The following SAMD14 variants were observed in gnomAD, a reference collection of about 807,000 sequenced individuals.
The protein encoded by SAMD14 is sterile alpha motif domain-containing protein 14.
In SAMD14, 27 loss-of-function variants were observed where a neutral mutation model predicts 46.2. The ratio of observed to expected loss-of-function variants is 0.58; its 90% CI spans 0.43 to 0.81. SAMD14 has a LOEUF of 0.81. Among genes scored for constraint, SAMD14 ranks in the 30% least tolerant of loss-of-function variants. SAMD14 has a pLI of 0.00. For missense variants in SAMD14, 559 were observed against 582.2 expected, an observed-to-expected ratio of 0.96 and a Z score of 0.41; for synonymous variants, 241 against 254.3, an observed-to-expected ratio of 0.95 and a Z score of 0.50.
chr17:50,112,893 C>G lies in SAMD14; in HGVS notation c.1254G>C (p.Ter418TyrextTer67). ...GGTGCCAGCGCCTGTGCACCCTCCCCTAGCTCTTCTTGGCCTCCTGCTCTC... is the reference window on the plus strand; with the variant it reads ...GGTGCCAGCGCCTGTGCACCCTCCCGTAGCTCTTCTTGGCCTCCTGCTCTC... ...RRREQEAKKS[*>Y] Residue 418 changes from the stop codon to tyrosine (Y), a stop_lost, in exon 10 of 10, where the codon TAG becomes TAC. Transcript: ENST00000330175. The G allele has an allele frequency of 6.2e-7, 1 of 1,603,918 alleles. No individual in the cohort carries two copies. The highest frequency in any genetic ancestry group is 8.5e-7 in the Non-Finnish European group (1 of 1,179,570).
chr17:50,115,452 G>A lies in SAMD14; in HGVS notation c.822+112C>T. 1 of 1,180,492 alleles carries A rather than the reference G, an allele frequency of 8.5e-7. No homozygotes were observed. The highest frequency in any genetic ancestry group is 1.2e-6 in the Non-Finnish European group (1 of 846,704). 73.1% of individuals were successfully genotyped at this position (1,180,492 alleles called of 1,614,324 possible). The stretch of plus-strand genomic sequence containing the variant: ...CGGATCACTGCATGGCTCCATGGAT[G>A]GACAAATTGATTCCAGGAATGTCTG... On this transcript the variant is annotated intron_variant, in intron 7 of 9. Transcript: ENST00000330175. This position sits in a 1 kb window ranked among gnomAD's most constrained non-coding sequence, Gnocchi z 5.3.
At chr17:50,116,124 T>C in intron 4 of SAMD14, 34 bp from the exon 5 acceptor site, 1 of 1,592,014 alleles carries the variant, frequency 6.3e-7, no homozygotes, top group Non-Finnish European at 8.6e-7. Flanking sequence ...AACTGCCTGT[T>C]TGCTGCCCTG....
At chr17:50,120,597 TAA>T (rs1279536174) in intron 2 of SAMD14, among the ~76,000 whole-genome samples, 1 of 152,202 alleles carries the variant, frequency 6.6e-6, no homozygotes, top group Non-Finnish European at 1.5e-5. Flanking sequence ...TTATGCAGAT[TAA>T]GAGTCAAAGT....
chr17:50,110,332 G>A lies in SAMD14; in HGVS notation c.*2561C>T, dbSNP rs1910766156. On this transcript the variant is annotated 3_prime_UTR_variant, in exon 10 of 10. Transcript: ENST00000330175. Reference sequence around the variant, plus strand: ...CTCTGTGGGCGATGCCTGAGGGTTAGGGATGTCTCCACCCTGATGGGGTGT... The same window carrying A: ...CTCTGTGGGCGATGCCTGAGGGTTAAGGATGTCTCCACCCTGATGGGGTGT... 2.4e-6 allele frequency: 1 copy of A among 419,996 alleles called. No homozygotes were observed. Among genetic ancestry groups the A allele is most frequent in the East Asian group, 3.7e-5 (1 of 27,210 alleles). 26.0% of individuals were successfully genotyped at this position (419,996 alleles called of 1,614,324 possible).
rs2239953 is a variant in SAMD14 at position 50,111,660 on chromosome 17, G to C, written c.*1233C>G. ...GGAGGAGCTGGAGGGGTTTCCAAGC[G>C]GGAGCCCCCAGGCCTCATCGGTAAC... is the stretch of plus-strand genomic sequence containing the variant. On this transcript the variant is annotated 3_prime_UTR_variant, in exon 10 of 10. Transcript: ENST00000330175. 1.3e-5 allele frequency: 2 copies of C among 152,238 alleles called. No homozygotes were observed. The highest frequency in any genetic ancestry group is 3.9e-4 in the East Asian group (2 of 5,166). The allele number at this position is 152,238 out of a possible 1,614,324, so 9.4% of individuals were successfully genotyped here.
rs1910813133 is a variant in SAMD14, at chr17:50,111,121, C to G, written c.*1772G>C. On this transcript the variant is annotated 3_prime_UTR_variant, in exon 10 of 10. Coordinates refer to ENST00000330175, the MANE Select transcript of SAMD14 (RefSeq NM_001257359.2). Reference sequence around the variant, plus strand: ...CGTGCGCACGTACACACGCACACTGCGGTGCCCTGTGACCACCACATGACG... The same window carrying G: ...CGTGCGCACGTACACACGCACACTGGGGTGCCCTGTGACCACCACATGACG... 2 of 152,342 alleles carry G rather than the reference C, an allele frequency of 1.3e-5. No homozygotes were observed. Among genetic ancestry groups the G allele is most frequent in the East Asian group, 3.8e-4 (2 of 5,202 alleles). The allele number at this position is 152,342 out of a possible 1,614,324, so 9.4% of individuals were successfully genotyped here.
chr17:50,117,961 GTAAAATGGGGCTA>G, intron 3 of SAMD14, 187 bp downstream of exon 3: 1 of 689,068 alleles, frequency 1.5e-6, no homozygotes, highest in Non-Finnish European at 2.3e-6. Context: ...TTCCTCAGCT[GTAAAATGGGGCTA>G]ATAATATCTT....
At chr17:50,126,393 C>T (rs1395478072) in intron 1 of SAMD14, among the ~76,000 whole-genome samples, 1 of 151,774 alleles carries the variant, frequency 6.6e-6, no homozygotes, top group Non-Finnish European at 1.5e-5. Flanking sequence ...CAAGCTCTGC[C>T]TCCCGGGTCC....
chr17:50,117,972 CTAA>C, intron 3 of SAMD14, 186 bp downstream of exon 3: 1 of 703,892 alleles, frequency 1.4e-6, no homozygotes, highest in South Asian at 2.3e-5. Flanking sequence ...TAAAATGGGG[CTAA>C]TAATATCTTC....
Position 50,110,375 on chromosome 17 carries a change from A to T in SAMD14, c.*2518T>A, listed in dbSNP as rs996942171. On this transcript the variant is annotated 3_prime_UTR_variant, in exon 10 of 10. Coordinates refer to ENST00000330175, the MANE Select transcript of SAMD14 (RefSeq NM_001257359.2). Reference sequence around the variant, plus strand: ...TGGGGTGTCCCAGAGACATTTTCCCATGGCAGTCCTCCTCTCTGAGACCAG... The same window carrying T: ...TGGGGTGTCCCAGAGACATTTTCCCTTGGCAGTCCTCCTCTCTGAGACCAG... 1 of 298,810 alleles carries T rather than the reference A, an allele frequency of 3.3e-6. No individual in the cohort carries two copies. The highest frequency in any genetic ancestry group is 2.1e-5 in the African/African-American group (1 of 46,672). 18.5% of individuals were successfully genotyped at this position (298,810 alleles called of 1,614,324 possible).
chr17:50,124,765 GCGCGCGCACACA>G, intron 2 of SAMD14, 140 bp downstream of exon 2: 2 of 634,208 alleles, frequency 3.2e-6, no homozygotes, highest in Non-Finnish European at 5.5e-6. Flanking sequence ...GCGTGCACGC[GCGCGCGCACACA>G]CACACACACA....
At chr17:50,122,212 C>T (rs998828893) in intron 2 of SAMD14, among the ~76,000 whole-genome samples, 4 of 152,194 alleles carry the variant, frequency 2.6e-5, no homozygotes, top group Non-Finnish European at 1.5e-5. Flanking sequence ...ACGATACGGT[C>T]GGGATATGGT....
In SAMD14 at chr17:50,110,178, G is replaced by A. The variant is rs934361514; in HGVS notation, c.*2715C>T. On this transcript the variant is annotated 3_prime_UTR_variant, in exon 10 of 10. Coordinates refer to ENST00000330175, the MANE Select transcript of SAMD14 (RefSeq NM_001257359.2). ...CCGTGGTGCCCCTCACCATCCTCCT[G>A]GGGGAGCAGGGGGTGGGTTCTCCCT... The A allele has an allele frequency of 1.8e-5, 26 of 1,419,100 alleles. No homozygotes were observed. The highest frequency in any genetic ancestry group is 2.5e-4 in the Middle Eastern group (1 of 3,962). 87.9% of individuals were successfully genotyped at this position (1,419,100 alleles called of 1,614,324 possible). A position where few individuals can be genotyped will look rare whatever the true frequency, so the allele number is the denominator to read the frequency against.
intron 2 of SAMD14, among the ~76,000 whole-genome samples, chr17:50,120,336 G>A (rs1213007677): frequency 6.6e-6 from 1 of 152,008 alleles, no homozygotes; most frequent in African/African-American, 2.4e-5. Context: ...GAGAGGAGAG[G>A]AAAGAAAAAG....
At chr17:50,114,108 G>A (rs754702290) in intron 8 of SAMD14, 29 bp from the exon 9 acceptor site, 10 of 1,613,682 alleles carry the variant, frequency 6.2e-6, no homozygotes, top group Non-Finnish European at 8.5e-6. Context: ...GAGTGAGGGG[G>A]AGGCTTGGCC....
chr17:50,124,787 A>AGTG (rs1911688575), intron 2 of SAMD14, 130 bp downstream of exon 2: 1 of 791,518 alleles, frequency 1.3e-6, no homozygotes, highest in African/African-American at 1.7e-5. Context: ...ACACACACAC[A>AGTG]CACACACACA....
intron 2 of SAMD14, chr17:50,124,160 G>T (rs1911635414): frequency 6.6e-6 from 3 of 456,110 alleles, no homozygotes; most frequent in African/African-American, 6.0e-5. Flanking sequence ...TGGGAAACCG[G>T]CTTTCCGCCC....
chr17:50,113,628 A>G (rs1910997070), intron 9 of SAMD14: 1 of 444,482 alleles, frequency 2.2e-6, no homozygotes, highest in East Asian at 4.6e-5. Context: ...ACTCATATGC[A>G]TCAAGGGTCA....
In SAMD14 at chr17:50,118,302, C is replaced by T. The variant is rs145637965; in HGVS notation, c.69G>A (p.Thr23=). ...TGTGTAAACTGCTGTCCAGTCTGGC[C>T]GTCTCTGGCACAGCCAAGTCCAGGT... ...VFDLDLAVPE[T]ARLDSSLHKA... is the part of the protein sequence containing the mutation. Residue 23 remains threonine, a synonymous_variant, in exon 3 of 10, where the codon ACG becomes ACA. Transcript: ENST00000330175. 5.6e-6 allele frequency: 9 copies of T among 1,613,466 alleles called. No homozygotes were observed. The East Asian group carries it at 8.9e-5, about 16-fold the overall frequency.
Sources: gnomAD v4.1 joint callset for allele counts (sites outside exome capture counted in the v4.1 genomes callset) on GRCh38, gnomAD v4.1.1 for gene constraint, Gnocchi (gnomAD v3.1) non-coding constraint, MANE v1.5 for transcripts, NCBI Gene and HGNC (gene_info 2026-07-23, HGNC 2026-07-21) for gene names.